The following EDIL3 variants were observed in gnomAD, a reference collection of about 807,000 sequenced individuals.
The protein encoded by EDIL3 is EGF like and discoidin domains 3.
Under a neutral mutation model 67.4 loss-of-function variants are expected in EDIL3, and 37 were observed. The ratio of observed to expected loss-of-function variants is 0.55; its 90% CI spans 0.42 to 0.72. The LOEUF (loss-of-function observed/expected upper bound fraction) is 0.72. Ranked by LOEUF, EDIL3 falls within the 30% of genes least tolerant of loss-of-function variation. The pLI, the probability that EDIL3 is intolerant of heterozygous loss-of-function variation, is 0.00. For synonymous variants in EDIL3, 195 were observed against 196.3 expected (o/e 0.99, Z 0.05); for missense variants, 527 against 586.3 (o/e 0.90, Z 1.04).
At chr5:84,151,854 T>C (rs369816143) in intron 4 of EDIL3, among the ~76,000 whole-genome samples, 4 of 152,216 alleles carry the variant, frequency 2.6e-5, no homozygotes, top group Admixed American at 1.3e-4. Context: ...GAGATTGTAA[T>C]TTTCATACAG....
intron 9 of EDIL3, among the ~76,000 whole-genome samples, chr5:83,989,034 G>GT (rs1227190256): frequency 5.9e-5 from 9 of 151,998 alleles, no homozygotes; most frequent in Non-Finnish European, 5.9e-5. Context: ...CAAATATTAA[G>GT]TTTTTTGTTG....
intron 3 of EDIL3, among the ~76,000 whole-genome samples, chr5:84,221,819 C>T (rs549347683): frequency 6.6e-6 from 1 of 151,904 alleles, no homozygotes; most frequent in South Asian, 2.1e-4. Context: ...TTGCTCCAGG[C>T]ACTAGAGGGA....
intron 9 of EDIL3, among the ~76,000 whole-genome samples, chr5:84,004,853 A>C (rs1745385589): frequency 6.6e-6 from 1 of 152,112 alleles, no homozygotes; most frequent in African/African-American, 2.4e-5. Flanking sequence ...CAACTGAATT[A>C]AGTAGAGATG....
chr5:84,249,373 ATCTT>A (rs964570703), intron 2 of EDIL3, among the ~76,000 whole-genome samples: 5 of 138,052 alleles, frequency 3.6e-5, no homozygotes, highest in Admixed American at 3.0e-4. Context: ...ATAACAACAT[ATCTT>A]TCTATCTATC....
At chr5:83,978,417 T>C (rs1185536509) in intron 9 of EDIL3, among the ~76,000 whole-genome samples, 4 of 151,940 alleles carry the variant, frequency 2.6e-5, no homozygotes, top group African/African-American at 4.8e-5. Context: ...GTAAAAAAGA[T>C]ATCAATTTAC....
intron 1 of EDIL3, among the ~76,000 whole-genome samples, chr5:84,309,804 G>A (rs947322246): frequency 9.9e-5 from 15 of 152,104 alleles, no homozygotes; most frequent in Non-Finnish European, 1.8e-4. Flanking sequence ...CAATAAACAC[G>A]TGTGCATGTG....
intron 6 of EDIL3, among the ~76,000 whole-genome samples, chr5:84,077,840 T>G (rs1313063528): frequency 6.8e-6 from 1 of 146,572 alleles, no homozygotes. Context: ...TTTTCTTCTT[T>G]CTTTTTCTTC....
intron 1 of EDIL3, among the ~76,000 whole-genome samples, chr5:84,287,732 T>G (rs988804305): frequency 6.6e-6 from 1 of 152,144 alleles, no homozygotes; most frequent in African/African-American, 2.4e-5. Flanking sequence ...TGAGCAGCAT[T>G]AGACAGAGTT....
intron 1 of EDIL3, among the ~76,000 whole-genome samples, chr5:84,363,619 A>G (rs1452866556): frequency 6.6e-6 from 1 of 152,190 alleles, no homozygotes; most frequent in African/African-American, 2.4e-5. Flanking sequence ...AATTTAAGTT[A>G]ATCTCATTTT....
intron 4 of EDIL3, among the ~76,000 whole-genome samples, chr5:84,146,193 C>G (rs146080520): frequency 1.4e-4 from 21 of 152,132 alleles, no homozygotes; most frequent in African/African-American, 5.1e-4. Context: ...CTGTTCTAAG[C>G]CTTTTATATG....
At chr5:84,006,078 T>TTAATAATAA (rs142039045) in intron 9 of EDIL3, among the ~76,000 whole-genome samples, 1,964 of 139,824 alleles carry the variant, frequency 0.014, 32 homozygotes, top group African/African-American at 0.042. Flanking sequence ...CACAATAGCA[T>TTAATAATAA]TAATAATAAT....
intron 10 of EDIL3, among the ~76,000 whole-genome samples, chr5:83,950,596 A>C (rs911277887): frequency 1.3e-5 from 2 of 151,874 alleles, no homozygotes; most frequent in East Asian, 3.9e-4. Context: ...ATTTTGGCCC[A>C]TAAGTATACT....
At chr5:83,975,771 A>G (rs114395416) in intron 9 of EDIL3, among the ~76,000 whole-genome samples, 1 of 151,918 alleles carries the variant, frequency 6.6e-6, no homozygotes, top group South Asian at 2.1e-4. Flanking sequence ...TCTTGTAAAA[A>G]TTATTAGAAT....
intron 9 of EDIL3, among the ~76,000 whole-genome samples, chr5:84,011,877 C>T (rs544110685): frequency 1.3e-5 from 2 of 152,274 alleles, no homozygotes; most frequent in East Asian, 3.9e-4. Flanking sequence ...TACTCTCTCT[C>T]TATCGATTTT....
intron 4 of EDIL3, among the ~76,000 whole-genome samples, chr5:84,152,559 T>C (rs1748415449): frequency 6.6e-6 from 1 of 152,326 alleles, no homozygotes; most frequent in South Asian, 2.1e-4. Context: ...TTTAATAAAA[T>C]CCAATGACTT....
intron 9 of EDIL3, among the ~76,000 whole-genome samples, chr5:84,058,542 T>A (rs1035665074): frequency 1.3e-5 from 2 of 152,120 alleles, no homozygotes; most frequent in Non-Finnish European, 2.9e-5. Context: ...ATTTGAGTCA[T>A]TTTTTCATAG....
chr5:84,100,960 A>T (rs1003730962), intron 6 of EDIL3, among the ~76,000 whole-genome samples: 3 of 152,094 alleles, frequency 2.0e-5, no homozygotes, highest in Admixed American at 6.6e-5. Flanking sequence ...GCCAAAAAAA[A>T]TTAGTGGAAA....
At chr5:84,121,443 G>A (rs1015464986) in intron 5 of EDIL3, among the ~76,000 whole-genome samples, 2 of 151,588 alleles carry the variant, frequency 1.3e-5, no homozygotes, top group Non-Finnish European at 2.9e-5. Flanking sequence ...CAGTACTACC[G>A]CCTCCTTCTT....
At chr5:84,378,766 T>C (rs577332348) in intron 1 of EDIL3, among the ~76,000 whole-genome samples, 1 of 152,316 alleles carries the variant, frequency 6.6e-6, no homozygotes, top group African/African-American at 2.4e-5. Context: ...GGCAGGACAG[T>C]GTGATCAAAT....
Sources: gnomAD v4.1 joint callset for allele counts (sites outside exome capture counted in the v4.1 genomes callset) on GRCh38, gnomAD v4.1.1 for gene constraint, MANE v1.5 for transcripts, NCBI Gene and HGNC (gene_info 2026-07-23, HGNC 2026-07-21) for gene names.